Variants in DLC1 observed in about 807,000 individuals in gnomAD.
The protein encoded by DLC1 is rho GTPase-activating protein 7.
Under a neutral mutation model 140.3 loss-of-function variants are expected in DLC1, and 54 were observed. The ratio of observed to expected loss-of-function variants is 0.38; its 90% CI spans 0.31 to 0.48. The LOEUF is 0.48. DLC1 is among the 20% of genes least tolerant of loss of function. DLC1 has a pLI of 0.96. For missense variants in DLC1, 2,536 were observed against 1,907.0 expected, an observed-to-expected ratio of 1.33 and a Z score of -6.14; for synonymous variants, 986 against 728.1, an observed-to-expected ratio of 1.35 and a Z score of -5.70.
At chr8:13,298,846 G>A (rs1476200979) in intron 5 of DLC1, among the ~76,000 whole-genome samples, 1 of 152,036 alleles carries the variant, frequency 6.6e-6, no homozygotes, top group Non-Finnish European at 1.5e-5. Flanking sequence ...ATCTGCACTT[G>A]TACCCCCTGA....
At chr8:13,596,470 G>T (rs934723200) in intron 1 of DLC1, among the ~76,000 whole-genome samples, 2 of 151,902 alleles carry the variant, frequency 1.3e-5, no homozygotes, top group African/African-American at 4.8e-5. Flanking sequence ...TTGAAAATCA[G>T]ATTCCTTAGA....
At chr8:13,508,136 G>C (rs1250429185) in intron 1 of DLC1, among the ~76,000 whole-genome samples, 2 of 152,200 alleles carry the variant, frequency 1.3e-5, no homozygotes, top group African/African-American at 2.4e-5. Context: ...CCAGGTTGCT[G>C]CTATTTAATG....
chr8:13,349,490 C>G (rs1834535123), intron 4 of DLC1, among the ~76,000 whole-genome samples: 1 of 152,188 alleles, frequency 6.6e-6, no homozygotes, highest in South Asian at 2.1e-4. Context: ...TGCTCTTTCA[C>G]AGAGCATTTG....
intron 7 of DLC1, 22 bp downstream of exon 7, chr8:13,110,714 GGAAAAC>G: frequency 6.3e-7 from 1 of 1,596,670 alleles, no homozygotes; most frequent in Non-Finnish European, 8.6e-7. Flanking sequence ...AAATAAAAAA[GGAAAAC>G]ACTCAAAACG....
chr8:13,203,438 C>G (rs1827500625), intron 5 of DLC1, among the ~76,000 whole-genome samples: 1 of 152,096 alleles, frequency 6.6e-6, no homozygotes, highest in African/African-American at 2.4e-5. Context: ...TTTTAGAATT[C>G]TGTTGGAGAT....
At chr8:13,276,518 T>C in intron 5 of DLC1, 10 of 1,301,850 alleles carry the variant, frequency 7.7e-6, no homozygotes, top group Non-Finnish European at 9.7e-6. Context: ...GCATTGCGGC[T>C]GGCACTGCGG....
At chr8:13,598,696 C>T (rs895906654) in intron 1 of DLC1, among the ~76,000 whole-genome samples, 19 of 151,932 alleles carry the variant, frequency 1.3e-4, no homozygotes, top group African/African-American at 4.6e-4. Context: ...TGCATTACTA[C>T]TTTTGTAACT....
chr8:13,237,952 A>C (rs1457955934), intron 5 of DLC1, among the ~76,000 whole-genome samples: 1 of 152,202 alleles, frequency 6.6e-6, no homozygotes, highest in Non-Finnish European at 1.5e-5. Context: ...GAAAGAAAGA[A>C]AGAAAAAGAA....
chr8:13,581,178 C>G (rs1207821637), intron 1 of DLC1, among the ~76,000 whole-genome samples: 1 of 152,202 alleles, frequency 6.6e-6, no homozygotes, highest in Non-Finnish European at 1.5e-5. Context: ...AAATTTTATG[C>G]CTCACTTTCA....
Position 13,379,507 on chromosome 8 carries a change from C to T in DLC1, c.1314+14046G>A, listed in dbSNP as rs114228872. The stretch of plus-strand genomic sequence containing the variant: ...AACACAAAGCCTATTTTGTAAGTGT[C>T]GAATATCCCGTGTAATTTATTGAAT... On this transcript the variant is annotated intron_variant, in intron 4 of 17. Coordinates refer to ENST00000276297, the MANE Select transcript of DLC1 (RefSeq NM_182643.3). Among the ~76,000 whole-genome samples, 670 of 152,268 alleles carry T rather than the reference C, an allele frequency of 4.4e-3. 9 individuals are homozygous for T. The highest frequency in any genetic ancestry group is 0.016 in the African/African-American group (645 of 41,546).
chr8:13,523,886 C>A (rs564910454), intron 1 of DLC1, among the ~76,000 whole-genome samples: 2 of 150,250 alleles, frequency 1.3e-5, no homozygotes, highest in East Asian at 2.0e-4. Context: ...TGGTATGTTC[C>A]CAAGGGGGAG....
chr8:13,288,458 C>T (rs987970659), intron 5 of DLC1, among the ~76,000 whole-genome samples: 1 of 152,216 alleles, frequency 6.6e-6, no homozygotes, highest in Admixed American at 6.5e-5. Context: ...TCAATTGCAT[C>T]ACTGTGCCTC....
intron 2 of DLC1, among the ~76,000 whole-genome samples, chr8:13,402,650 G>A (rs1393910116): frequency 6.6e-6 from 1 of 152,186 alleles, no homozygotes; most frequent in African/African-American, 2.4e-5. Context: ...GATGTCAGTG[G>A]AAAAATACAT....
In DLC1 at chr8:13,579,122, A is replaced by G. The variant is rs1804950842; in HGVS notation, c.-126+25415T>C. On this transcript the variant is annotated intron_variant, in intron 1 of 1. Coordinates refer to the DLC1 transcript ENST00000631382. ...GCCAGACTCTCCTATCACTCATTAA[A>G]TGACAACGGTGTTAGGAGCTTTGTG... Among the ~76,000 whole-genome samples, 3 of 150,328 alleles carry G rather than the reference A, an allele frequency of 2.0e-5. No individual in the cohort carries two copies. In the South Asian group the frequency reaches 6.3e-4, roughly 32 times the overall value.
At chr8:13,472,147 C>T (rs879764327) in intron 2 of DLC1, among the ~76,000 whole-genome samples, 1 of 152,294 alleles carries the variant, frequency 6.6e-6, no homozygotes, top group African/African-American at 2.4e-5. Context: ...CAAGCGCCAA[C>T]TTATTTTTTT....
In DLC1 at chr8:13,297,661, A is replaced by G. The variant is rs145861790; in HGVS notation, c.1348+7608T>C. ...GACAGCAATAAAACCAATCAGATCCATACTAAAATGAAGACACAAAACAGA... is the reference window on the plus strand; with the variant it reads ...GACAGCAATAAAACCAATCAGATCCGTACTAAAATGAAGACACAAAACAGA... On this transcript the variant is annotated intron_variant, in intron 5 of 17. Coordinates refer to ENST00000276297, the MANE Select transcript of DLC1 (RefSeq NM_182643.3). 4.6e-5 allele frequency among the ~76,000 whole-genome samples: 7 copies of G among 152,326 alleles called. 1 individual carries two copies. The highest frequency in any genetic ancestry group is 1.7e-4 in the African/African-American group (7 of 41,582).
chr8:13,158,138 G>C (rs969031825), intron 5 of DLC1, among the ~76,000 whole-genome samples: 2 of 152,126 alleles, frequency 1.3e-5, no homozygotes, highest in South Asian at 2.1e-4. Flanking sequence ...TGGTTCATCT[G>C]TGTGTCATAT....
At chr8:13,299,596 C>G (rs976717253) in intron 5 of DLC1, among the ~76,000 whole-genome samples, 1 of 150,350 alleles carries the variant, frequency 6.7e-6, no homozygotes, top group Non-Finnish European at 1.5e-5. Flanking sequence ...AAGCAGAGAG[C>G]TACGAGGGAT....
At chr8:13,198,843 A>C (rs979987967) in intron 5 of DLC1, among the ~76,000 whole-genome samples, 2 of 151,856 alleles carry the variant, frequency 1.3e-5, no homozygotes, top group Non-Finnish European at 2.9e-5. Flanking sequence ...CAGCCTCCCA[A>C]GTAGCTGGGA....
Sources: gnomAD v4.1 joint callset for allele counts (sites outside exome capture counted in the v4.1 genomes callset) on GRCh38, gnomAD v4.1.1 for gene constraint, MANE v1.5 for transcripts, NCBI Gene and HGNC (gene_info 2026-07-23, HGNC 2026-07-21) for gene names.